CA8: variants seen among roughly 807,000 people sequenced by gnomAD.
The protein encoded by CA8 is carbonic anhydrase-related protein.
CA8 carries 22 observed loss-of-function variants against 41.4 expected under a neutral mutation model. That is an observed-to-expected ratio of 0.53 (90% confidence interval 0.38 to 0.76). CA8 has a LOEUF of 0.76. Ranked by LOEUF, CA8 falls within the 30% of genes least tolerant of loss-of-function variation. The pLI is 0.00. For missense variants in CA8, 270 were observed against 352.8 expected, an observed-to-expected ratio of 0.77 and a Z score of 1.88; for synonymous variants, 121 against 130.6, an observed-to-expected ratio of 0.93 and a Z score of 0.50.
At chr8:60,231,725 G>A (rs1328512858) in intron 4 of CA8, among the ~76,000 whole-genome samples, 1 of 152,114 alleles carries the variant, frequency 6.6e-6, no homozygotes, top group African/African-American at 2.4e-5. Flanking sequence ...AAAGCACGTG[G>A]CCTGCTTTCA....
chr8:60,253,555 C>T (rs547897453), intron 3 of CA8, among the ~76,000 whole-genome samples: 2 of 152,216 alleles, frequency 1.3e-5, no homozygotes, highest in East Asian at 1.9e-4. Context: ...CACCCTAGTC[C>T]ACTCGCTGAC....
chr8:60,226,054 G>A (rs964365919), intron 5 of CA8, among the ~76,000 whole-genome samples: 7 of 151,974 alleles, frequency 4.6e-5, no homozygotes, highest in Non-Finnish European at 8.8e-5. Flanking sequence ...ACCTTCTCTT[G>A]GATATTATCT....
chr8:60,226,985 G>T, intron 4 of CA8, 50 bp from the exon 5 acceptor site: 1 of 1,344,554 alleles, frequency 7.4e-7, no homozygotes, highest in Non-Finnish European at 1.1e-6. Context: ...TCAGTGTTTA[G>T]CTTTAACTAA....
chr8:60,219,554 C>G (rs1344180025), intron 7 of CA8, among the ~76,000 whole-genome samples: 1 of 152,138 alleles, frequency 6.6e-6, no homozygotes, highest in Non-Finnish European at 1.5e-5. Flanking sequence ...CTGAGAGAAA[C>G]AAAACTCCTC....
At position 60,189,723 on chromosome 8, in the gene CA8, T is replaced by C. The variant is rs1806060918; in HGVS notation, c.*298A>G. 1 of 152,544 alleles carries C rather than the reference T, an allele frequency of 6.6e-6. No individual in the cohort carries two copies. The highest frequency in any genetic ancestry group is 1.5e-5 in the Non-Finnish European group (1 of 67,996). The allele number at this position is 152,544 out of a possible 1,614,324, so 9.4% of individuals were successfully genotyped here. ...ATAACAACTCTGGAAACTAGTTTCA[T>C]TCCTTCTACACATAAGCAATAAACA... is the stretch of plus-strand genomic sequence containing the variant. On this transcript the variant is annotated 3_prime_UTR_variant, in exon 9 of 9. Transcript: ENST00000317995.
chr8:60,265,806 G>A, intron 3 of CA8, 119 bp downstream of exon 3: 1 of 1,139,382 alleles, frequency 8.8e-7, no homozygotes, highest in Non-Finnish European at 1.3e-6. Context: ...TTAAATTTTA[G>A]TATAAACTGA....
intron 7 of CA8, 101 bp downstream of exon 7, chr8:60,222,548 T>G: frequency 3.9e-6 from 3 of 759,530 alleles, no homozygotes; most frequent in Non-Finnish European, 7.1e-6. Flanking sequence ...AAGGTATGAC[T>G]GATCTACAGG....
intron 2 of CA8, among the ~76,000 whole-genome samples, chr8:60,275,284 C>T (rs976486453): frequency 4.0e-5 from 6 of 151,834 alleles, no homozygotes; most frequent in Admixed American, 2.6e-4. Context: ...TAAATAGGAA[C>T]GAAGAGCCAA....
chr8:60,255,284 G>C (rs1366188885), intron 3 of CA8, among the ~76,000 whole-genome samples: 1 of 123,356 alleles, frequency 8.1e-6, no homozygotes, highest in Non-Finnish European at 1.6e-5. Context: ...GCCTAATTCT[G>C]GACAGACACT....
intron 3 of CA8, among the ~76,000 whole-genome samples, chr8:60,233,783 A>C (rs1004289074): frequency 2.0e-5 from 3 of 152,150 alleles, no homozygotes; most frequent in Admixed American, 6.5e-5. Context: ...TCTCACAGCA[A>C]TATTTTGGGG....
chr8:60,232,036 T>C (rs1807665085), intron 4 of CA8, among the ~76,000 whole-genome samples: 1 of 152,194 alleles, frequency 6.6e-6, no homozygotes, highest in African/African-American at 2.4e-5. Context: ...ATTTTCTAAA[T>C]CATTTCTCCA....
In CA8 at chr8:60,185,894, A is replaced by G. The variant is rs947414999; in HGVS notation, c.*4127T>C. On this transcript the variant is annotated 3_prime_UTR_variant, in exon 9 of 9. Coordinates refer to ENST00000317995, the MANE Select transcript of CA8 (RefSeq NM_004056.6). ...TGGTAAATGTAATTATGTAATTATG[A>G]AAGACAGTATAAATGCATTTCTTCC... 3.3e-5 allele frequency among the ~76,000 whole-genome samples: 5 copies of G among 152,112 alleles called. No individual in the cohort carries two copies. The highest frequency in any genetic ancestry group is 7.4e-5 in the Non-Finnish European group (5 of 67,988).
At chr8:60,231,827 G>A (rs1003957416) in intron 4 of CA8, among the ~76,000 whole-genome samples, 2 of 152,164 alleles carry the variant, frequency 1.3e-5, no homozygotes, top group Non-Finnish European at 2.9e-5. Flanking sequence ...GTCTTTGCCA[G>A]TCTGATTTTT....
At chr8:60,209,495 T>C (rs1806758648) in intron 7 of CA8, among the ~76,000 whole-genome samples, 1 of 152,108 alleles carries the variant, frequency 6.6e-6, no homozygotes, top group African/African-American at 2.4e-5. Flanking sequence ...CAAAAAACAA[T>C]GATACAAACC....
chr8:60,215,881 A>G (rs1428637423), intron 7 of CA8, among the ~76,000 whole-genome samples: 8 of 152,214 alleles, frequency 5.3e-5, no homozygotes, highest in African/African-American at 1.9e-4. Context: ...CAATGTTGCT[A>G]GTGCCAATAC....
chr8:60,218,432 C>T (rs994984323), intron 7 of CA8, among the ~76,000 whole-genome samples: 1 of 151,828 alleles, frequency 6.6e-6, no homozygotes, highest in Non-Finnish European at 1.5e-5. Context: ...TAGCAAATGT[C>T]GAATAATTGC....
intron 5 of CA8, among the ~76,000 whole-genome samples, chr8:60,226,442 C>T (rs78711058): frequency 0.016 from 2,444 of 152,202 alleles, 79 homozygotes; most frequent in African/African-American, 0.055. Flanking sequence ...TGACTTATGG[C>T]GAAGAGGGCA....
chr8:60,206,578 G>A (rs565719540), intron 8 of CA8, among the ~76,000 whole-genome samples: 35 of 152,016 alleles, frequency 2.3e-4, no homozygotes, highest in African/African-American at 8.2e-4. Context: ...TCCCACCCCC[G>A]CTGCCTCTTG....
At chr8:60,245,454 C>T (rs953221098) in intron 3 of CA8, among the ~76,000 whole-genome samples, 8 of 152,194 alleles carry the variant, frequency 5.3e-5, no homozygotes, top group Non-Finnish European at 1.2e-4. Context: ...ACTAATCCAA[C>T]TCACTTGTTG....
Sources: gnomAD v4.1 joint callset for allele counts (sites outside exome capture counted in the v4.1 genomes callset) on GRCh38, gnomAD v4.1.1 for gene constraint, MANE v1.5 for transcripts, NCBI Gene and HGNC (gene_info 2026-07-23, HGNC 2026-07-21) for gene names.